The following RANBP2 variants were observed in gnomAD, a reference collection of about 807,000 sequenced individuals.
RANBP2 encodes E3 SUMO-protein ligase RanBP2.
Under a neutral mutation model 303.6 loss-of-function variants are expected in RANBP2, and 57 were observed. That is an observed-to-expected ratio of 0.19 (90% confidence interval 0.15 to 0.23). The LOEUF (loss-of-function observed/expected upper bound fraction) is 0.23, where lower values mean the gene tolerates loss of function less well. RANBP2 is among the 10% of genes least tolerant of loss of function. RANBP2 has a pLI of 1.00. For missense variants in RANBP2, 3,138 were observed against 3,780.8 expected (o/e 0.83, Z 4.46); for synonymous variants, 1,167 against 1,301.5 (o/e 0.90, Z 2.23).
At chr2:109,361,055 A>G in the RANBP2 span, among the ~76,000 whole-genome samples, 1 of 152,276 alleles carries the variant, frequency 6.6e-6, no homozygotes, top group South Asian at 2.1e-4. Flanking sequence ...ATTTTGTTAA[A>G]AGCTTTTTCT....
At chr2:108,890,180 C>T in the RANBP2 span, among the ~76,000 whole-genome samples, 1 of 145,548 alleles carries the variant, frequency 6.9e-6, no homozygotes, top group East Asian at 2.0e-4. Flanking sequence ...CCATTCTCTT[C>T]TGGCCTATAA....
chr2:108,880,750 T>TA, the RANBP2 span, among the ~76,000 whole-genome samples: 31 of 151,926 alleles, frequency 2.0e-4, no homozygotes, highest in African/African-American at 5.5e-4. Flanking sequence ...ACTGCTCAGA[T>TA]AAAAAAAAGA....
At chr2:109,123,899 G>A in the RANBP2 span, among the ~76,000 whole-genome samples, 1,366 of 152,316 alleles carry the variant, frequency 9.0e-3, 8 homozygotes, top group Non-Finnish European at 0.014. Context: ...TTTATAGGTT[G>A]TTGAATTAAC....
chr2:108,781,983 C>A (rs1678286314), intron 26 of RANBP2, 145 bp from the exon 27 acceptor site: 4 of 850,344 alleles, frequency 4.7e-6, no homozygotes, highest in Admixed American at 2.8e-5. Context: ...ATATTCCTAG[C>A]CCTAAGATAT....
the RANBP2 span, among the ~76,000 whole-genome samples, chr2:109,548,931 C>T: frequency 6.6e-6 from 1 of 152,074 alleles, no homozygotes; most frequent in African/African-American, 2.4e-5. Flanking sequence ...AGCCAGTGAC[C>T]ACCTGATAGG....
rs751461598 is a variant in RANBP2, at chr2:108,753,812, A to G, written c.2056-13A>G. 5 of 1,611,968 alleles carry G rather than the reference A, an allele frequency of 3.1e-6. No homozygotes were observed. The highest frequency in any genetic ancestry group is 1.1e-5 in the South Asian group (1 of 90,986). On this transcript the variant is annotated splice_polypyrimidine_tract_variant and intron_variant, in intron 14 of 28. Transcript: ENST00000283195. ...AAAAACCTAATGATTTCATAAAAGC[A>G]CTATTTGTATAGATTTTTCACAGGA... is the stretch of plus-strand genomic sequence containing the variant.
At chr2:109,724,949 C>T in the RANBP2 span, among the ~76,000 whole-genome samples, 5 of 152,128 alleles carry the variant, frequency 3.3e-5, no homozygotes, top group Non-Finnish European at 7.3e-5. Context: ...GTTAGGCCTC[C>T]CCTTGGGGGA....
chr2:109,226,673 G>A, the RANBP2 span, among the ~76,000 whole-genome samples: 1 of 152,164 alleles, frequency 6.6e-6, no homozygotes, highest in Non-Finnish European at 1.5e-5. Context: ...CCATGCATCT[G>A]CTCCCTTTGT....
the RANBP2 span, among the ~76,000 whole-genome samples, chr2:109,012,460 C>G: frequency 1.3e-5 from 2 of 151,972 alleles, no homozygotes; most frequent in Non-Finnish European, 2.9e-5. Flanking sequence ...TCCCCCCAGC[C>G]CTGGGATTGC....
At chr2:109,751,570 T>C in the RANBP2 span, among the ~76,000 whole-genome samples, 39,576 of 97,442 alleles carry the variant, frequency 0.41, 7,582 homozygotes, top group Non-Finnish European at 0.52. Flanking sequence ...TTGTGTCTAC[T>C]AAAATAGCCT....
chr2:108,880,941 C>T, the RANBP2 span, among the ~76,000 whole-genome samples: 1 of 152,168 alleles, frequency 6.6e-6, no homozygotes, highest in African/African-American at 2.4e-5. Flanking sequence ...CTTTATAATT[C>T]ATGAGAGAAG....
chr2:108,818,542 G>A, the RANBP2 span, among the ~76,000 whole-genome samples: 10 of 152,000 alleles, frequency 6.6e-5, no homozygotes, highest in African/African-American at 2.2e-4. Flanking sequence ...CAATTTTAAG[G>A]TGTATAAATA....
intron 8 of RANBP2, 144 bp downstream of exon 8, chr2:108,746,942 T>G (rs1696564753): frequency 7.7e-7 from 1 of 1,305,376 alleles, no homozygotes; most frequent in Admixed American, 2.8e-5. Flanking sequence ...GCAATAGGTA[T>G]GGAAGAGATG....
At chr2:109,258,418 C>T in the RANBP2 span, among the ~76,000 whole-genome samples, 1 of 152,204 alleles carries the variant, frequency 6.6e-6, no homozygotes. Flanking sequence ...CTCAGAGCCT[C>T]TAGGCTTTGT....
the RANBP2 span, among the ~76,000 whole-genome samples, chr2:109,309,364 A>G: frequency 6.7e-6 from 1 of 149,942 alleles, no homozygotes; most frequent in Admixed American, 6.6e-5. Context: ...CTAAACATGG[A>G]AAGGAACAAC....
the RANBP2 span, chr2:109,543,936 G>C: frequency 3.6e-6 from 2 of 549,390 alleles, no homozygotes; most frequent in Admixed American, 3.4e-5. Flanking sequence ...TATACATATA[G>C]CCTGAAAGTA....
At chr2:108,835,579 A>G in the RANBP2 span, among the ~76,000 whole-genome samples, 1 of 152,226 alleles carries the variant, frequency 6.6e-6, no homozygotes, top group Non-Finnish European at 1.5e-5. Context: ...AATACCTTAC[A>G]TATCACAAGA....
chr2:109,090,310 TCACACACACACACA>T, the RANBP2 span, among the ~76,000 whole-genome samples: 189 of 109,740 alleles, frequency 1.7e-3, 3 homozygotes, highest in East Asian at 0.046. Context: ...ACACCTCGCC[TCACACACACACACA>T]CACACACACA....
At chr2:109,213,010 G>A in the RANBP2 span, among the ~76,000 whole-genome samples, 47 of 152,252 alleles carry the variant, frequency 3.1e-4, 1 homozygote, top group Non-Finnish European at 5.7e-4. Context: ...GTGTGCAGGT[G>A]TCGGCAGCAG....
Sources: gnomAD v4.1 joint callset for allele counts (sites outside exome capture counted in the v4.1 genomes callset) on GRCh38, gnomAD v4.1.1 for gene constraint, MANE v1.5 for transcripts, NCBI Gene and HGNC (gene_info 2026-07-23, HGNC 2026-07-21) for gene names.